COL4A4: variants seen among roughly 807,000 people sequenced by gnomAD.
COL4A4 encodes collagen alpha-4(IV) chain.
Under a neutral mutation model 192.9 loss-of-function variants are expected in COL4A4, and 105 were observed. The ratio of observed to expected loss-of-function variants is 0.54; its 90% confidence interval spans 0.46 to 0.64. The LOEUF is 0.64. Among genes scored for constraint, COL4A4 ranks in the 30% least tolerant of loss-of-function variants. The pLI is 0.00. For missense variants in COL4A4, 1,967 were observed against 2,169.3 expected, an observed-to-expected ratio of 0.91 and a Z score of 1.85; for synonymous variants, 762 against 769.9, an observed-to-expected ratio of 0.99 and a Z score of 0.17.
rs775076627 is a variant in COL4A4 at position 227,077,972 on chromosome 2, G to T, written c.1909C>A (p.Pro637Thr). The change falls in exon 25 of 48, where the codon CCA (proline) becomes ACA (threonine). Residue 637 changes from proline (P) to threonine (T), a missense_variant. Physicochemically the swap from Pro to Thr is conservative, Grantham distance 38. Coordinates refer to ENST00000396625, the MANE Select transcript of COL4A4 (RefSeq NM_000092.5). The part of the protein sequence containing the change: ...VGPPGLGFPG[P>T]PGERGHPGVP... Reference sequence around the variant, plus strand: ...CCTGGGTGGCCTCGCTCTCCTGGTGGACCAGGAAATCCCAGTCCTGGGGGC... The same window carrying T: ...CCTGGGTGGCCTCGCTCTCCTGGTGTACCAGGAAATCCCAGTCCTGGGGGC... The T allele has an allele frequency of 1.2e-6, 2 of 1,613,662 alleles. No homozygotes were observed. Among genetic ancestry groups the T allele is most frequent in the Non-Finnish European group, 1.7e-6 (2 of 1,179,976 alleles).
At chr2:227,078,474 C>A (rs182393891) in intron 24 of COL4A4, among the ~76,000 whole-genome samples, 23 of 152,224 alleles carry the variant, frequency 1.5e-4, no homozygotes, top group Admixed American at 3.3e-4. Flanking sequence ...AACCCCTGAC[C>A]TCCACCTGCC....
chr2:226,979,269 G>A, the COL4A4 span, among the ~76,000 whole-genome samples: 4 of 152,122 alleles, frequency 2.6e-5, no homozygotes, highest in African/African-American at 9.7e-5. Context: ...TAAAAACTAG[G>A]TTCTTGTCAC....
chr2:227,104,063 A>G lies in COL4A4; in HGVS notation c.736-11T>C, dbSNP rs1272652867. The G allele has an allele frequency of 6.2e-7, 1 of 1,610,306 alleles. No individual in the cohort carries two copies. The highest frequency in any genetic ancestry group is 1.7e-5 in the Admixed American group (1 of 60,018). On this transcript the variant is annotated splice_polypyrimidine_tract_variant and intron_variant, in intron 12 of 47. Coordinates refer to ENST00000396625, the MANE Select transcript of COL4A4 (RefSeq NM_000092.5). ...CTGACCAACCTCACCCTTAAAAAAA[A>G]AAGCAAGATAATGAAAATTTCATAT...
At chr2:227,140,269 C>G in intron 3 of COL4A4, 31 bp from the exon 4 acceptor site, 1 of 1,583,834 alleles carries the variant, frequency 6.3e-7, no homozygotes, top group Middle Eastern at 1.7e-4. Context: ...TTTAGTATAC[C>G]AGTACTCATC....
intron 33 of COL4A4, 85 bp from the exon 34 acceptor site, chr2:227,050,216 G>A: frequency 7.6e-7 from 1 of 1,322,872 alleles, no homozygotes; most frequent in Non-Finnish European, 1.1e-6. Flanking sequence ...GTAATTTTCT[G>A]TAACTAATTT....
At chr2:227,065,033 C>T in intron 25 of COL4A4, among the ~76,000 whole-genome samples, 1 of 152,076 alleles carries the variant, frequency 6.6e-6, no homozygotes, top group Non-Finnish European at 1.5e-5. Context: ...GGTGCGCGCA[C>T]CGTGCACGAG....
chr2:227,064,230 G>T (rs966250917), intron 25 of COL4A4, among the ~76,000 whole-genome samples: 2 of 152,008 alleles, frequency 1.3e-5, no homozygotes, highest in Admixed American at 1.3e-4. Flanking sequence ...AAACTAATCC[G>T]AACTTTGACA....
chr2:227,142,826 T>C (rs368987653), intron 3 of COL4A4, among the ~76,000 whole-genome samples: 4 of 152,166 alleles, frequency 2.6e-5, no homozygotes, highest in East Asian at 3.9e-4. Flanking sequence ...ATCTTCTTTT[T>C]TGAAAAACAA....
chr2:227,054,475 TA>T, intron 31 of COL4A4, 118 bp downstream of exon 31: 1 of 1,140,338 alleles, frequency 8.8e-7, no homozygotes, highest in Non-Finnish European at 1.3e-6. Context: ...ACCATAGAAC[TA>T]AAAGGAGGAG....
chr2:227,115,269 C>CTTTTTTTTT (rs1187419564), intron 7 of COL4A4, among the ~76,000 whole-genome samples: 4 of 123,946 alleles, frequency 3.2e-5, no homozygotes, highest in Admixed American at 8.4e-5. Flanking sequence ...TACTTTAATT[C>CTTTTTTTTT]TTTTTTTTTT....
chr2:227,108,684 AT>A, intron 11 of COL4A4, 62 bp from the exon 12 acceptor site: 1 of 1,584,798 alleles, frequency 6.3e-7, no homozygotes, highest in African/African-American at 1.3e-5. Context: ...ATTAAAAGCA[AT>A]TAAGACTTCT....
chr2:227,101,271 G>A (rs940054937), intron 17 of COL4A4, among the ~76,000 whole-genome samples: 15 of 152,238 alleles, frequency 9.9e-5, no homozygotes, highest in African/African-American at 3.1e-4. Flanking sequence ...CCCCAGCCAC[G>A]TGGAACTGTA....
chr2:227,059,419 C>T lies in COL4A4; in HGVS notation c.2369G>A (p.Cys790Tyr), dbSNP rs761306857. The T allele has an allele frequency of 8.7e-6, 14 of 1,614,154 alleles. No individual in the cohort carries two copies. Among genetic ancestry groups the T allele is most frequent in the Non-Finnish European group, 9.3e-6 (11 of 1,179,972 alleles). The change falls in exon 28 of 48, where the codon TGT becomes TAT. Residue 790 changes from cysteine to tyrosine, a missense_variant. Physicochemically the swap from Cys to Tyr is radical, Grantham distance 194. Transcript: ENST00000396625. ...GIKGPRGDPG[C>Y]PGAEGPAGIP... Reference sequence around the variant, plus strand: ...AGCCCTCATACCTTCAGCCCCTGGACATCCCGGATCACCTCTGGGTCCTTT... The same window carrying T: ...AGCCCTCATACCTTCAGCCCCTGGATATCCCGGATCACCTCTGGGTCCTTT...
chr2:227,147,312 G>A, intron 2 of COL4A4, 101 bp downstream of exon 2: 1 of 1,093,568 alleles, frequency 9.1e-7, no homozygotes, highest in Non-Finnish European at 1.4e-6. Context: ...GAATGATTTG[G>A]CTTTTTGACA....
chr2:227,098,981 C>T (rs182866209), intron 18 of COL4A4, among the ~76,000 whole-genome samples, 183 bp from the exon 19 acceptor site: 91 of 152,328 alleles, frequency 6.0e-4, no homozygotes, highest in African/African-American at 2.0e-3. Context: ...TCCTCAGACA[C>T]GTGAACTTTG....
chr2:227,041,840 GAAAGAAAGAGAAAGAAAGAA>G (rs1559477867), intron 37 of COL4A4, among the ~76,000 whole-genome samples: 21 of 73,050 alleles, frequency 2.9e-4, no homozygotes, highest in Non-Finnish European at 4.5e-4. Context: ...AAGAAAGAAA[GAAAGAAAGAGAAAGAAAGAA>G]AGAAAGAAAG....
At chr2:227,041,045 C>A (rs556856380) in intron 37 of COL4A4, among the ~76,000 whole-genome samples, 177 of 152,030 alleles carry the variant, frequency 1.2e-3, no homozygotes, top group African/African-American at 4.0e-3. Flanking sequence ...AAATTCAACC[C>A]AGAAAAAATT....
intron 7 of COL4A4, among the ~76,000 whole-genome samples, chr2:227,117,539 G>A (rs56743515): frequency 0.035 from 5,263 of 152,132 alleles, 293 homozygotes; most frequent in African/African-American, 0.12. Context: ...GGAGCAAAAG[G>A]AAGACTCGTG....
chr2:227,104,064 A>G lies in COL4A4; in HGVS notation c.736-12T>C. The G allele has an allele frequency of 1.2e-6, 2 of 1,609,956 alleles. No individual in the cohort carries two copies. The highest frequency in any genetic ancestry group is 1.7e-6 in the Non-Finnish European group (2 of 1,177,922). ...TGACCAACCTCACCCTTAAAAAAAA[A>G]AGCAAGATAATGAAAATTTCATATT... On this transcript the variant is annotated splice_polypyrimidine_tract_variant and intron_variant, in intron 12 of 47. Coordinates refer to ENST00000396625, the MANE Select transcript of COL4A4 (RefSeq NM_000092.5).
Sources: allele counts gnomAD v4.1 joint callset (sites outside exome capture counted in the v4.1 genomes callset), GRCh38; gene constraint gnomAD v4.1.1; transcripts MANE v1.5; gene names NCBI Gene and HGNC (gene_info 2026-07-23, HGNC 2026-07-21).